Variants in DISC1 observed in about 807,000 individuals in gnomAD.
The protein encoded by DISC1 is DISC1 scaffold protein.
A neutral mutation model predicts 84.5 loss-of-function variants in DISC1; 57 were observed. That is an observed-to-expected ratio of 0.67 (90% confidence interval 0.55 to 0.84). The LOEUF is 0.84. DISC1 is among the 40% of genes least tolerant of loss of function. The pLI is 0.00. For missense variants in DISC1, 1,000 were observed against 1,057.8 expected (o/e 0.95, Z 0.76); for synonymous variants, 411 against 415.2 (o/e 0.99, Z 0.12).
chr1:232,018,964 ATG>A (rs1668715526), intron 11 of DISC1, among the ~76,000 whole-genome samples: 1 of 152,196 alleles, frequency 6.6e-6, no homozygotes, highest in South Asian at 2.1e-4. Flanking sequence ...CTTGGGTGAA[ATG>A]ATCTCTTGGA....
chr1:231,854,715 ATTC>A (rs2084136890), intron 9 of DISC1: 1 of 154,748 alleles, frequency 6.5e-6, no homozygotes, highest in Non-Finnish European at 1.2e-5. Flanking sequence ...AACTAAAATA[ATTC>A]TTTTTTTTTT....
chr1:231,893,296 G>T (rs1395015414), intron 9 of DISC1, among the ~76,000 whole-genome samples: 1 of 152,146 alleles, frequency 6.6e-6, no homozygotes, highest in Admixed American at 6.5e-5. Context: ...AAAAGACCTT[G>T]GATCATGTGT....
At chr1:231,781,008 T>C (rs201569090) in intron 6 of DISC1, among the ~76,000 whole-genome samples, 1 of 79,598 alleles carries the variant, frequency 1.3e-5, no homozygotes, top group African/African-American at 5.2e-5. Flanking sequence ...TGGGGACTGT[T>C]GTGGGGTGGG....
intron 9 of DISC1, among the ~76,000 whole-genome samples, chr1:231,881,107 G>T (rs1158316102): frequency 6.6e-6 from 1 of 151,384 alleles, no homozygotes; most frequent in African/African-American, 2.5e-5. Context: ...TTTAAAAAAA[G>T]TTTATAGGGA....
intron 6 of DISC1, chr1:231,771,678 A>G: frequency 7.1e-6 from 5 of 707,044 alleles, no homozygotes; most frequent in Non-Finnish European, 8.7e-6. Flanking sequence ...GAGAAAACTG[A>G]TATTTACACT....
chr1:231,745,064 A>T (rs1378264414), intron 3 of DISC1, among the ~76,000 whole-genome samples: 1 of 151,898 alleles, frequency 6.6e-6, no homozygotes, highest in Non-Finnish European at 1.5e-5. Flanking sequence ...AAATAAAAAA[A>T]TTTAATATCT....
chr1:231,832,656 G>T (rs112355067), intron 9 of DISC1, among the ~76,000 whole-genome samples: 3,149 of 149,094 alleles, frequency 0.021, 121 homozygotes, highest in African/African-American at 0.072. Flanking sequence ...AGGCTGGGAT[G>T]AAGGGTGCAA....
chr1:231,728,803 G>T (rs772432983), intron 3 of DISC1, among the ~76,000 whole-genome samples: 1 of 135,678 alleles, frequency 7.4e-6, no homozygotes, highest in African/African-American at 2.7e-5. Context: ...GCCTTCTACA[G>T]TGTATCTTTC....
At chr1:231,712,356 A>G (rs1392679798) in intron 3 of DISC1, among the ~76,000 whole-genome samples, 1 of 152,232 alleles carries the variant, frequency 6.6e-6, no homozygotes, top group African/African-American at 2.4e-5. Context: ...AACTTAAAGC[A>G]GTGTCAAAGA....
intron 1 of DISC1, among the ~76,000 whole-genome samples, chr1:231,674,820 A>T (rs1477260383): frequency 2.0e-5 from 3 of 152,236 alleles, no homozygotes; most frequent in Non-Finnish European, 2.9e-5. Flanking sequence ...ACAGAAAAAA[A>T]TTCCCCAGAT....
intron 9 of DISC1, among the ~76,000 whole-genome samples, chr1:231,822,329 A>T (rs1438502513): frequency 6.6e-6 from 1 of 152,154 alleles, no homozygotes; most frequent in African/African-American, 2.4e-5. Context: ...GTGTAGGGTG[A>T]TCCATAAGCT....
At chr1:231,980,407 G>A (rs1663425079) in intron 10 of DISC1, among the ~76,000 whole-genome samples, 1 of 152,124 alleles carries the variant, frequency 6.6e-6, no homozygotes, top group Non-Finnish European at 1.5e-5. Context: ...TTTCAGGGGT[G>A]TGTTTGTGAC....
intron 1 of DISC1, among the ~76,000 whole-genome samples, chr1:231,691,515 C>G (rs2065012445): frequency 6.6e-6 from 1 of 152,100 alleles, no homozygotes; most frequent in Non-Finnish European, 1.5e-5. Context: ...AATGAAATTT[C>G]AAACAAATTA....
chr1:231,950,285 C>G (rs1450577787), intron 9 of DISC1, among the ~76,000 whole-genome samples: 2 of 147,974 alleles, frequency 1.4e-5, no homozygotes, highest in South Asian at 2.1e-4. Context: ...GAGAAAGAAT[C>G]AAAGAATGAG....
intron 10 of DISC1, chr1:231,959,198 TC>T (rs1660047783): frequency 2.9e-6 from 3 of 1,038,182 alleles, no homozygotes; most frequent in Non-Finnish European, 3.5e-6. Flanking sequence ...AGTCTGTTTT[TC>T]CCTTTTTTAA....
intron 4 of DISC1, among the ~76,000 whole-genome samples, chr1:231,766,043 A>G (rs541712327): frequency 2.6e-5 from 4 of 152,258 alleles, no homozygotes; most frequent in African/African-American, 9.6e-5. Flanking sequence ...TAATCCCAGC[A>G]CTTTGGGAAG....
chr1:231,773,219 G>T (rs1266842596), intron 6 of DISC1, among the ~76,000 whole-genome samples: 1 of 152,120 alleles, frequency 6.6e-6, no homozygotes, highest in African/African-American at 2.4e-5. Flanking sequence ...CTAAAACTAG[G>T]AGCTCCACAG....
At chr1:231,680,183 G>A (rs1189473697) in intron 1 of DISC1, among the ~76,000 whole-genome samples, 2 of 152,122 alleles carry the variant, frequency 1.3e-5, no homozygotes, top group Admixed American at 6.6e-5. Context: ...AGCCGAGATC[G>A]TGCCACTGCA....
At chr1:231,817,308 C>T (rs1444985212) in intron 8 of DISC1, among the ~76,000 whole-genome samples, 1 of 152,172 alleles carries the variant, frequency 6.6e-6, no homozygotes, top group East Asian at 1.9e-4. Context: ...TGGTCTTGAA[C>T]ACCTGACCTC....
Sources: gnomAD v4.1 joint callset for allele counts (sites outside exome capture counted in the v4.1 genomes callset) on GRCh38, gnomAD v4.1.1 for gene constraint, MANE v1.5 for transcripts, NCBI Gene and HGNC (gene_info 2026-07-23, HGNC 2026-07-21) for gene names.